Variants in ESRRB observed in about 807,000 individuals in gnomAD.
The protein encoded by ESRRB is steroid hormone receptor ERR2.
ESRRB carries 16 observed loss-of-function variants against 46.0 expected under a neutral mutation model. The ratio of observed to expected loss-of-function variants is 0.35; its 90% CI spans 0.24 to 0.53. The LOEUF (loss-of-function observed/expected upper bound fraction) is 0.53. ESRRB is among the 20% of genes least tolerant of loss of function. The pLI is 0.93. For synonymous variants in ESRRB, 246 were observed against 259.6 expected, an observed-to-expected ratio of 0.95 and a Z score of 0.50; for missense variants, 488 against 607.4, an observed-to-expected ratio of 0.80 and a Z score of 2.07.
In ESRRB at chr14:76,491,730, C is replaced by A. The variant is rs372927278; in HGVS notation, c.1120+14C>A. 26 of 1,564,004 alleles carry A rather than the reference C, an allele frequency of 1.7e-5. No homozygotes were observed. In the African/African-American group the frequency reaches 2.8e-4, roughly 17 times the overall value. ...TCGCCAACTCCGGTAAGGGCGGCGG[C>A]GGGGCCTGGAAGGGGAGCTTCTAGG... On this transcript the variant is annotated intron_variant, in intron 6 of 6. Coordinates refer to ENST00000644823, the MANE Select transcript of ESRRB (RefSeq NM_001379180.1).
chr14:76,376,464 C>A lies in ESRRB; in HGVS notation c.50+13C>A. The A allele has an allele frequency of 8.1e-7, 1 of 1,231,306 alleles. No individual in the cohort carries two copies. Among genetic ancestry groups the A allele is most frequent in the Non-Finnish European group, 1.0e-6 (1 of 987,566 alleles). The allele number at this position is 1,231,306 out of a possible 1,614,324, so 76.3% of individuals were successfully genotyped here. ...GCTACCACAACCAGTAGGTGCCCTG[C>A]TTCTCGGTCTGTCTGTCCTTCTGCC... On this transcript the variant is annotated intron_variant, in intron 1 of 6. Transcript: ENST00000644823. This position sits in a 1 kb window ranked among gnomAD's most constrained non-coding sequence, Gnocchi z 4.1.
chr14:76,380,592 A>G (rs1054683984), intron 1 of ESRRB, among the ~76,000 whole-genome samples: 1 of 152,204 alleles, frequency 6.6e-6, no homozygotes, highest in Non-Finnish European at 1.5e-5. Flanking sequence ...ACCGGCCATC[A>G]TCGAGTCTCT....
chr14:76,424,317 G>A (rs763292886), intron 1 of ESRRB, among the ~76,000 whole-genome samples: 1 of 152,160 alleles, frequency 6.6e-6, no homozygotes. Context: ...TGCCCAGGCT[G>A]CCCATTTGCA....
At position 76,455,218 on chromosome 14, in the gene ESRRB, A is replaced by G. The variant is rs1293102598; in HGVS notation, c.461-7327A>G. On this transcript the variant is annotated intron_variant, in intron 2 of 6. Coordinates refer to ENST00000644823, the MANE Select transcript of ESRRB (RefSeq NM_001379180.1). ...GGCGACAGAGCAAGACTTTGTCTCA[A>G]AAAAAATATATATATATGTTTTATA... Among the ~76,000 whole-genome samples the G allele has an allele frequency of 1.3e-5, 2 of 152,090 alleles. 1 individual carries two copies. Among genetic ancestry groups the G allele is most frequent in the East Asian group, 3.8e-4 (2 of 5,196 alleles).
intron 1 of ESRRB, among the ~76,000 whole-genome samples, chr14:76,431,573 G>A (rs1455574226): frequency 1.3e-5 from 2 of 152,158 alleles, no homozygotes; most frequent in Non-Finnish European, 2.9e-5. Flanking sequence ...TACTGAGAAG[G>A]CCCAGGGCAG....
rs553349588 is a variant in ESRRB, at chr14:76,348,768, G to A, written c.2+37852G>A. Among the ~76,000 whole-genome samples the A allele has an allele frequency of 2.0e-5, 3 of 152,302 alleles. No homozygotes were observed. In the South Asian group the frequency reaches 6.2e-4, roughly 32 times the overall value. On this transcript the variant is annotated intron_variant, in intron 1 of 6. Coordinates refer to the ESRRB transcript ENST00000512784. ...ATATGGGTGATTGCGGGGTTTTGGG[G>A]TGCCACCCGGGGCTTTGGGGACACT...
At chr14:76,413,949 A>G (rs535071761) in intron 1 of ESRRB, among the ~76,000 whole-genome samples, 5,356 of 34,934 alleles carry the variant, frequency 0.15, 556 homozygotes, top group Middle Eastern at 0.31. Flanking sequence ...CCCCTGCACC[A>G]TCCCTCGCCC....
At chr14:76,470,660 A>C (rs566003867) in intron 3 of ESRRB, among the ~76,000 whole-genome samples, 1 of 152,302 alleles carries the variant, frequency 6.6e-6, no homozygotes, top group South Asian at 2.1e-4. Context: ...TTCAAATACA[A>C]GTATTGTTTT....
intron 2 of ESRRB, among the ~76,000 whole-genome samples, chr14:76,455,027 G>T (rs1888547400): frequency 3.3e-5 from 5 of 151,910 alleles, no homozygotes; most frequent in Admixed American, 3.3e-4. Context: ...GACCAGCCTG[G>T]CCAACATGGT....
chr14:76,439,228 C>A, intron 1 of ESRRB, 113 bp from the exon 2 acceptor site: 3 of 1,224,586 alleles, frequency 2.4e-6, no homozygotes, highest in South Asian at 2.4e-5. Flanking sequence ...GTTGTTTTAT[C>A]GCACCAAAGC....
chr14:76,388,522 CT>C (rs1470008033), intron 1 of ESRRB, among the ~76,000 whole-genome samples: 2 of 152,076 alleles, frequency 1.3e-5, no homozygotes, highest in African/African-American at 4.8e-5. Flanking sequence ...TTCAGAACAC[CT>C]TGTGTAGATC....
At chr14:76,457,087 A>ATG (rs1225909749) in intron 2 of ESRRB, among the ~76,000 whole-genome samples, 5 of 152,040 alleles carry the variant, frequency 3.3e-5, no homozygotes, top group Non-Finnish European at 4.4e-5. Context: ...CTGTTCATGA[A>ATG]CAGCTGATGG....
chr14:76,479,276 G>A (rs1889713354), intron 3 of ESRRB, among the ~76,000 whole-genome samples: 1 of 151,836 alleles, frequency 6.6e-6, no homozygotes, highest in African/African-American at 2.4e-5. Context: ...CTGATCTGAC[G>A]CCTAGGCTTT....
intron 1 of ESRRB, among the ~76,000 whole-genome samples, chr14:76,405,557 G>A (rs977083600): frequency 6.6e-6 from 1 of 152,150 alleles, no homozygotes; most frequent in Non-Finnish European, 1.5e-5. Flanking sequence ...GAGGTAGAAT[G>A]CTTCCAGGGG....
At chr14:76,418,719 G>T (rs1886814026) in intron 1 of ESRRB, among the ~76,000 whole-genome samples, 1 of 151,912 alleles carries the variant, frequency 6.6e-6, no homozygotes. Flanking sequence ...GGGTTCAAGT[G>T]ATTCTCGTGC....
rs201190047 is a variant in ESRRB, at chr14:76,431,961, A to G, written c.51-7380A>G. ...CTGTGAAATCTGAAGTGCCAGTCTC[A>G]GGCCTAGACGCCGTCTCCCAACCTT... On this transcript the variant is annotated intron_variant, in intron 1 of 6. Coordinates refer to ENST00000644823, the MANE Select transcript of ESRRB (RefSeq NM_001379180.1). Among the ~76,000 whole-genome samples, 3 of 152,106 alleles carry G rather than the reference A, an allele frequency of 2.0e-5. No homozygotes were observed. The East Asian group carries it at 5.8e-4, about 29-fold the overall frequency.
At chr14:76,329,623 A>G (rs1467819071) in intron 1 of ESRRB, among the ~76,000 whole-genome samples, 2 of 152,214 alleles carry the variant, frequency 1.3e-5, no homozygotes, top group African/African-American at 4.8e-5. Flanking sequence ...GTGCCCATGT[A>G]GCGCGGGCTC....
intron 1 of ESRRB, among the ~76,000 whole-genome samples, chr14:76,340,249 G>T (rs1884176345): frequency 6.6e-6 from 1 of 152,238 alleles, no homozygotes; most frequent in African/African-American, 2.4e-5. Context: ...ACACCCCTCA[G>T]AGTGATGACT....
intron 1 of ESRRB, among the ~76,000 whole-genome samples, chr14:76,418,699 C>A (rs144709508): frequency 6.6e-6 from 1 of 151,634 alleles, no homozygotes; most frequent in Non-Finnish European, 1.5e-5. Context: ...ACTATAACCT[C>A]CCACCTCCTG....
Sources: gnomAD v4.1 joint callset for allele counts (sites outside exome capture counted in the v4.1 genomes callset) on GRCh38, gnomAD v4.1.1 for gene constraint, Gnocchi (gnomAD v3.1) non-coding constraint, MANE v1.5 for transcripts, NCBI Gene and HGNC (gene_info 2026-07-23, HGNC 2026-07-21) for gene names.